The following GPR149 variants were observed in gnomAD, a reference collection of about 807,000 sequenced individuals.
The protein encoded by GPR149 is G protein-coupled receptor 149.
Under a neutral mutation model 50.2 loss-of-function variants are expected in GPR149, and 50 were observed. The observed-to-expected ratio is 1.00, with a 90% CI of 0.79 to 1.26. The LOEUF is 1.26. Ranked by LOEUF, GPR149 falls within the 50% of genes most tolerant of loss-of-function variation. The pLI, the probability that GPR149 is intolerant of heterozygous loss-of-function variation, is 0.00. For synonymous variants in GPR149, 405 were observed against 358.2 expected, an observed-to-expected ratio of 1.13 and a Z score of -1.48; for missense variants, 983 against 895.4, an observed-to-expected ratio of 1.10 and a Z score of -1.25.
At position 154,430,158 on chromosome 3, in the gene GPR149, G is replaced by A. The variant is rs1169930778; in HGVS notation, c.-543C>T. ...GAGAGACAGAGAGAGAGAGAGAGAG[G>A]GCGAGCGCGAGCCAGTCAGAGGGAG... On this transcript the variant is annotated 5_prime_UTR_variant, in exon 1 of 4. Coordinates refer to ENST00000389740, the MANE Select transcript of GPR149 (RefSeq NM_001038705.3). 6.7e-6 allele frequency among the ~76,000 whole-genome samples: 1 copy of A among 149,598 alleles called. No individual in the cohort carries two copies. The highest frequency in any genetic ancestry group is 1.5e-5 in the Non-Finnish European group (1 of 67,418).
At chr3:154,377,116 G>T (rs1309717535) in intron 3 of GPR149, among the ~76,000 whole-genome samples, 1 of 150,580 alleles carries the variant, frequency 6.6e-6, no homozygotes, top group African/African-American at 2.4e-5. Context: ...AATCATAGCA[G>T]GTATTTATAA....
chr3:154,345,985 A>G (rs1259187794), intron 3 of GPR149, among the ~76,000 whole-genome samples: 1 of 152,162 alleles, frequency 6.6e-6, no homozygotes, highest in African/African-American at 2.4e-5. Flanking sequence ...TGCTCTTTCT[A>G]TTATTTGTAT....
chr3:154,374,542 C>T (rs1714748347), intron 3 of GPR149, among the ~76,000 whole-genome samples: 1 of 151,996 alleles, frequency 6.6e-6, no homozygotes, highest in South Asian at 2.1e-4. Flanking sequence ...TCTAGTCCCT[C>T]ACAATATCCA....
chr3:154,428,603 C>G, intron 1 of GPR149, 32 bp downstream of exon 1: 1 of 1,592,942 alleles, frequency 6.3e-7, no homozygotes, highest in Non-Finnish European at 8.6e-7. Context: ...CTGGCACACA[C>G]ACTCGCGCTT....
chr3:154,423,472 T>C (rs1712203245), intron 2 of GPR149, among the ~76,000 whole-genome samples: 1 of 151,880 alleles, frequency 6.6e-6, no homozygotes, highest in Non-Finnish European at 1.5e-5. Context: ...TGTGCTGTTT[T>C]TAAGTCAGAG....
intron 3 of GPR149, among the ~76,000 whole-genome samples, chr3:154,385,424 C>T (rs1715023836): frequency 6.6e-6 from 1 of 152,104 alleles, no homozygotes; most frequent in Admixed American, 6.6e-5. Context: ...TCCAATAAAC[C>T]AATCATTGTC....
In GPR149 at chr3:154,428,620, C is replaced by A; in HGVS notation, c.981+15G>T. The A allele has an allele frequency of 6.2e-7, 1 of 1,604,780 alleles. No homozygotes were observed. The highest frequency in any genetic ancestry group is 8.5e-7 in the Non-Finnish European group (1 of 1,175,380). On this transcript the variant is annotated intron_variant, in intron 1 of 3. Coordinates refer to ENST00000389740, the MANE Select transcript of GPR149 (RefSeq NM_001038705.3). Reference sequence around the variant, plus strand: ...GGCACACACACTCGCGCTTTGTGAGCAACTGCACTTTTACCATCATGGGCA... The same window carrying A: ...GGCACACACACTCGCGCTTTGTGAGAAACTGCACTTTTACCATCATGGGCA...
intron 3 of GPR149, among the ~76,000 whole-genome samples, chr3:154,374,699 A>G (rs1714751452): frequency 1.3e-5 from 2 of 152,224 alleles, no homozygotes; most frequent in Admixed American, 6.5e-5. Flanking sequence ...ATATATATAT[A>G]TTAGAAGAAA....
chr3:154,414,152 A>G (rs988659960), intron 3 of GPR149, among the ~76,000 whole-genome samples: 3 of 151,886 alleles, frequency 2.0e-5, no homozygotes, highest in African/African-American at 7.3e-5. Context: ...GACTTTGGAC[A>G]CTCAGGGGAA....
At position 154,421,415 on chromosome 3, in the gene GPR149, T is replaced by A. The variant is rs769752261; in HGVS notation, c.1247A>T (p.Asp416Val). 1 of 1,609,682 alleles carries A rather than the reference T, an allele frequency of 6.2e-7. No homozygotes were observed. The highest frequency in any genetic ancestry group is 1.3e-5 in the African/African-American group (1 of 74,722). Reference protein sequence around the residue: ...SYGIYKIAHEDYYDDDENSIF... With the variant: ...SYGIYKIAHEVYYDDDENSIF... ...GGAATTTTCATCATCATCATAGTAA[T>A]CTTCATGTGCTATTTTATAAATCCC... Residue 416 changes from aspartate (D) to valine (V), a missense_variant, in exon 3 of 4, where the codon GAT becomes GTT. Transcript: ENST00000389740.
intron 3 of GPR149, among the ~76,000 whole-genome samples, chr3:154,362,981 A>G (rs1714449180): frequency 6.6e-6 from 1 of 152,186 alleles, no homozygotes; most frequent in South Asian, 2.1e-4. Flanking sequence ...ATTAGCAGAT[A>G]ATCTTTGAAG....
At chr3:154,362,150 G>T (rs185968976) in intron 3 of GPR149, among the ~76,000 whole-genome samples, 3 of 151,938 alleles carry the variant, frequency 2.0e-5, no homozygotes, top group Admixed American at 6.6e-5. Flanking sequence ...TTAGCCGGGC[G>T]TGGTGGCGGG....
At chr3:154,380,310 T>C (rs1344421529) in intron 3 of GPR149, among the ~76,000 whole-genome samples, 2 of 152,080 alleles carry the variant, frequency 1.3e-5, no homozygotes, top group African/African-American at 4.8e-5. Context: ...ACTGCATGCA[T>C]TGTATCGCAC....
chr3:154,396,737 T>C (rs1715302026), intron 3 of GPR149, among the ~76,000 whole-genome samples: 2 of 152,032 alleles, frequency 1.3e-5, no homozygotes, highest in African/African-American at 4.8e-5. Context: ...AGGTGCGAGT[T>C]CCTATTGCTC....
chr3:154,371,157 G>T (rs533725530), intron 3 of GPR149, among the ~76,000 whole-genome samples: 5 of 152,140 alleles, frequency 3.3e-5, no homozygotes, highest in Non-Finnish European at 7.4e-5. Flanking sequence ...ACATTTAAAA[G>T]CTCAAGGTTT....
At chr3:154,426,869 G>GGA (rs1248580197) in intron 2 of GPR149, among the ~76,000 whole-genome samples, 42 of 84,948 alleles carry the variant, frequency 4.9e-4, no homozygotes, top group Admixed American at 1.3e-4. Flanking sequence ...TTTGGACCAG[G>GGA]GCGTGTGTGT....
chr3:154,424,880 T>C (rs1481618153), intron 2 of GPR149, among the ~76,000 whole-genome samples: 5 of 147,222 alleles, frequency 3.4e-5, no homozygotes, highest in Admixed American at 6.7e-5. Context: ...TATCATTTTG[T>C]CAAAAAAAAA....
intron 3 of GPR149, among the ~76,000 whole-genome samples, chr3:154,392,067 A>G (rs1380766258): frequency 4.6e-5 from 7 of 151,810 alleles, no homozygotes; most frequent in African/African-American, 1.7e-4. Flanking sequence ...GATAATTGTG[A>G]GAGACTTCAA....
chr3:154,362,635 G>A (rs913125058), intron 3 of GPR149, among the ~76,000 whole-genome samples: 6 of 152,182 alleles, frequency 3.9e-5, no homozygotes, highest in Non-Finnish European at 7.3e-5. Flanking sequence ...GTGGAAGCCA[G>A]GTTGCAATCA....
Sources: gnomAD v4.1 joint callset for allele counts (sites outside exome capture counted in the v4.1 genomes callset) on GRCh38, gnomAD v4.1.1 for gene constraint, MANE v1.5 for transcripts, NCBI Gene and HGNC (gene_info 2026-07-23, HGNC 2026-07-21) for gene names.